The following TRPM3 variants were observed in gnomAD, a reference collection of about 807,000 sequenced individuals.
The protein encoded by TRPM3 is transient receptor potential cation channel subfamily M member 3.
TRPM3 carries 77 observed loss-of-function variants against 181.2 expected under a neutral mutation model. The ratio of observed to expected loss-of-function variants is 0.42; its 90% CI spans 0.35 to 0.51. The LOEUF (loss-of-function observed/expected upper bound fraction) is 0.51. Among genes scored for constraint, TRPM3 ranks in the 20% least tolerant of loss-of-function variants. The pLI is 0.01. For synonymous variants in TRPM3, 745 were observed against 796.4 expected (o/e 0.94, Z 1.09); for missense variants, 1,759 against 2,196.7 (o/e 0.80, Z 3.98).
intron 1 of TRPM3, among the ~76,000 whole-genome samples, chr9:71,016,890 A>G (rs2097789438): frequency 6.6e-6 from 1 of 152,132 alleles, no homozygotes; most frequent in Non-Finnish European, 1.5e-5. Flanking sequence ...TTATCTACAT[A>G]TTCACCAACA....
chr9:71,329,481 CA>C (rs2089961239), intron 1 of TRPM3, among the ~76,000 whole-genome samples: 1 of 152,082 alleles, frequency 6.6e-6, no homozygotes, highest in Non-Finnish European at 1.5e-5. Context: ...GCAAAAAGTT[CA>C]AAGGGGCCAT....
At chr9:71,342,383 C>A (rs934038460) in intron 1 of TRPM3, among the ~76,000 whole-genome samples, 1 of 150,094 alleles carries the variant, frequency 6.7e-6, no homozygotes, top group Non-Finnish European at 1.5e-5. Context: ...TGAATATGCC[C>A]AAATAGAAAA....
intron 6 of TRPM3, among the ~76,000 whole-genome samples, chr9:70,820,847 T>G (rs1344460319): frequency 6.6e-6 from 1 of 152,010 alleles, no homozygotes; most frequent in Non-Finnish European, 1.5e-5. Flanking sequence ...CAATCTCAAC[T>G]CCCAGGCTAC....
At position 70,535,333 on chromosome 9, in the gene TRPM3, A is replaced by G; in HGVS notation, c.*620T>C. ...TGAATAGATAAGAGACAGGTGAACT[A>G]TGACTGTTACCTTGTTTTTTCTTTA... On this transcript the variant is annotated 3_prime_UTR_variant, in exon 26 of 26. Transcript: ENST00000677713. 4 of 1,369,390 alleles carry G rather than the reference A, an allele frequency of 2.9e-6. No homozygotes were observed. The South Asian group carries it at 3.8e-5, about 13-fold the overall frequency. The allele number at this position is 1,369,390 out of a possible 1,614,324, so 84.8% of individuals were successfully genotyped here.
chr9:71,338,679 A>G (rs1234271861), intron 1 of TRPM3, among the ~76,000 whole-genome samples: 6 of 152,130 alleles, frequency 3.9e-5, no homozygotes, highest in Non-Finnish European at 7.4e-5. Flanking sequence ...TAGCTGCAAA[A>G]AAAAGCCTTT....
intron 12 of TRPM3, among the ~76,000 whole-genome samples, chr9:70,633,587 C>A (rs185714987): frequency 2.0e-5 from 3 of 152,240 alleles, no homozygotes; most frequent in Non-Finnish European, 4.4e-5. Context: ...TTGCAAGGGC[C>A]AAAGGATGGA....
chr9:71,145,698 A>AG (rs1479635498), intron 1 of TRPM3, among the ~76,000 whole-genome samples: 1 of 152,176 alleles, frequency 6.6e-6, no homozygotes, highest in Non-Finnish European at 1.5e-5. Flanking sequence ...GTAATGATTG[A>AG]GAAAAAAAAA....
At chr9:71,176,190 T>A (rs2077099179) in intron 1 of TRPM3, among the ~76,000 whole-genome samples, 1 of 152,154 alleles carries the variant, frequency 6.6e-6, no homozygotes, top group Non-Finnish European at 1.5e-5. Flanking sequence ...CTCAGGCAGG[T>A]CCTTCAGGAG....
intron 1 of TRPM3, among the ~76,000 whole-genome samples, chr9:71,041,921 C>T (rs571731157): frequency 6.6e-6 from 1 of 152,172 alleles, no homozygotes; most frequent in African/African-American, 2.4e-5. Context: ...ATATTGTCCC[C>T]TCTGTATAAA....
intron 1 of TRPM3, among the ~76,000 whole-genome samples, chr9:71,293,925 C>T (rs970763397): frequency 4.0e-5 from 6 of 151,810 alleles, no homozygotes; most frequent in African/African-American, 1.2e-4. Context: ...TGCATACCTG[C>T]GAGGAATGGA....
At position 70,639,487 on chromosome 9, in the gene TRPM3, T is replaced by C. The variant is rs116216496; in HGVS notation, c.1447-293A>G. On this transcript the variant is annotated intron_variant, in intron 10 of 25. Coordinates refer to ENST00000677713, the MANE Select transcript of TRPM3 (RefSeq NM_001366145.2). ...CAAGAAGGTGCAAGGGTTCACAAGG[T>C]TTTTCCCCTTGCAATTATCTGATTA... Among the ~76,000 whole-genome samples, 1,306 of 152,244 alleles carry C rather than the reference T, an allele frequency of 8.6e-3. 20 individuals carry two copies. Among genetic ancestry groups the C allele is most frequent in the African/African-American group, 0.03 (1,241 of 41,546 alleles).
chr9:71,053,412 G>C (rs2060288109), intron 1 of TRPM3, among the ~76,000 whole-genome samples: 1 of 152,022 alleles, frequency 6.6e-6, no homozygotes, highest in African/African-American at 2.4e-5. Flanking sequence ...AAATGAAAAG[G>C]TATATTATTA....
At chr9:71,365,153 TC>T (rs1290356435) in intron 1 of TRPM3, among the ~76,000 whole-genome samples, 1 of 152,136 alleles carries the variant, frequency 6.6e-6, no homozygotes, top group Admixed American at 6.5e-5. Context: ...CAAAGCTTCC[TC>T]CACCATTCTG....
rs572588219 is a variant in TRPM3, at chr9:71,347,379, C to T, written c.183+99274G>A. Among the ~76,000 whole-genome samples, 35 of 152,244 alleles carry T rather than the reference C, an allele frequency of 2.3e-4. 1 individual carries two copies. Among genetic ancestry groups the T allele is most frequent in the African/African-American group, 7.7e-4 (32 of 41,554 alleles). On this transcript the variant is annotated intron_variant, in intron 1 of 24. Transcript: ENST00000357533. Reference sequence around the variant, plus strand: ...GAGGTTTTCTTGTTTTGTTTTCTGACAAAGCATAGAAAAGCTCTTTGTCCA... The same window carrying T: ...GAGGTTTTCTTGTTTTGTTTTCTGATAAAGCATAGAAAAGCTCTTTGTCCA...
chr9:71,210,988 TCTTTTAA>T (rs2079462157), intron 1 of TRPM3, among the ~76,000 whole-genome samples: 1 of 152,204 alleles, frequency 6.6e-6, no homozygotes, highest in Non-Finnish European at 1.5e-5. Context: ...CCCTATGACC[TCTTTTAA>T]CTTTTATCAC....
chr9:71,129,110 T>C (rs1210589919), intron 1 of TRPM3, among the ~76,000 whole-genome samples: 3 of 152,238 alleles, frequency 2.0e-5, no homozygotes, highest in Non-Finnish European at 4.4e-5. Flanking sequence ...ACTTGCTATC[T>C]ATTTTTGACA....
chr9:70,929,979 T>C (rs2096759679), intron 1 of TRPM3, among the ~76,000 whole-genome samples: 1 of 152,180 alleles, frequency 6.6e-6, no homozygotes, highest in African/African-American at 2.4e-5. Context: ...ACAATTCTTA[T>C]GAGATAGATA....
intron 8 of TRPM3, among the ~76,000 whole-genome samples, chr9:70,743,129 A>C (rs950281049): frequency 6.6e-6 from 1 of 152,192 alleles, no homozygotes; most frequent in African/African-American, 2.4e-5. Context: ...CAGATTTTTC[A>C]AAAAGTACAT....
intron 1 of TRPM3, among the ~76,000 whole-genome samples, chr9:71,157,935 G>A (rs1329203979): frequency 6.6e-6 from 1 of 152,106 alleles, no homozygotes; most frequent in African/African-American, 2.4e-5. Context: ...AGGACAGATT[G>A]TCAAAAAATG....
Sources: gnomAD v4.1 joint callset for allele counts (sites outside exome capture counted in the v4.1 genomes callset) on GRCh38, gnomAD v4.1.1 for gene constraint, MANE v1.5 for transcripts, NCBI Gene and HGNC (gene_info 2026-07-23, HGNC 2026-07-21) for gene names.